ERCC2: variants seen among roughly 807,000 people sequenced by gnomAD.
The protein encoded by ERCC2 is ERCC excision repair 2, TFIIH core complex helicase subunit, also known as general transcription and DNA repair factor IIH helicase subunit XPD.
A neutral mutation model predicts 99.4 loss-of-function variants in ERCC2; 90 were observed. The observed-to-expected ratio is 0.91, with a 90% CI of 0.76 to 1.08. ERCC2 has a LOEUF of 1.08. Among genes scored for constraint, ERCC2 ranks in the 50% least tolerant of loss-of-function variants. The probability of loss-of-function intolerance (pLI) is 0.00; values close to 1 mark genes in which losing one functional copy is unlikely to be tolerated. For synonymous variants in ERCC2, 497 were observed against 432.4 expected, an observed-to-expected ratio of 1.15 and a Z score of -1.85; for missense variants, 993 against 1,038.1, an observed-to-expected ratio of 0.96 and a Z score of 0.60.
chr19:45,354,844 G>C lies in ERCC2; in HGVS notation c.1551C>G (p.Ile517Met), dbSNP rs749303660. 2 of 1,614,038 alleles carry C rather than the reference G, an allele frequency of 1.2e-6. No individual in the cohort carries two copies. Among genetic ancestry groups the C allele is most frequent in the Non-Finnish European group, 1.7e-6 (2 of 1,179,944 alleles). The change falls in exon 17 of 23, where the codon ATC becomes ATG. Residue 517 changes from isoleucine to methionine, a missense_variant. Transcript: ENST00000391945. ...KFETREDIAV[I>M]RNYGNLLLEM... The stretch of plus-strand genomic sequence containing the variant: ...CCAGCAGGAGGTTCCCATAGTTCCG[G>C]ATCACAGCTGCAAGGGGTCAGAGGT...
At position 45,357,364 on chromosome 19, in the gene ERCC2, GAC is replaced by G; in HGVS notation, c.1383_1384del (p.Ser462ProfsTer38). ...GATCTTGGGGTAGATGTCCAGCGGG[GAC>G]AGTGTCTGTGGCGGGACAGTGGGAG... On this transcript the variant is annotated frameshift_variant, in exon 15 of 23. Transcript: ENST00000391945. LOFTEE classifies it high-confidence loss of function. 1 of 1,613,718 alleles carries G rather than the reference GAC, an allele frequency of 6.2e-7. No individual in the cohort carries two copies. The highest frequency in any genetic ancestry group is 8.5e-7 in the Non-Finnish European group (1 of 1,179,604).
intron 12 of ERCC2, among the ~76,000 whole-genome samples, chr19:45,361,319 G>A (rs1045794906): frequency 4.6e-5 from 7 of 151,922 alleles, no homozygotes; most frequent in African/African-American, 1.2e-4. Flanking sequence ...TCTGCAGCCC[G>A]AGGAAGTCTG....
chr19:45,359,625 G>A lies in ERCC2; in HGVS notation c.1237+1899C>T, dbSNP rs3916837. ...CCTGGTCCCAAAACCCAGGCACCACGCTCCCCATATCCCAGCCTCTCTACC... is the reference window on the plus strand; with the variant it reads ...CCTGGTCCCAAAACCCAGGCACCACACTCCCCATATCCCAGCCTCTCTACC... On this transcript the variant is annotated intron_variant, in intron 12 of 22. Transcript: ENST00000391945. Among the ~76,000 whole-genome samples, 1,356 of 152,112 alleles carry A rather than the reference G, an allele frequency of 8.9e-3. 7 individuals carry two copies. Among genetic ancestry groups the A allele is most frequent in the Non-Finnish European group, 0.014 (985 of 67,964 alleles).
At position 45,370,215 on chromosome 19, in the gene ERCC2, A is replaced by G. The variant is rs1428215749; in HGVS notation, c.23T>C (p.Leu8Pro). Residue 8 changes from leucine to proline, a missense_variant, in exon 2 of 23, where the codon CTC (leucine) becomes CCC (proline). Physicochemically the swap from Leu to Pro is moderately conservative, Grantham distance 98. This residue lies in a region of ERCC2 where 55 missense variants were observed against 45.1 expected (regional missense o/e 1.22). Transcript: ENST00000391945. ...GTAGTCGTACGGGAAGTAGACCAGG[A>G]GCCCGTCCACGTTGAGCCTGGCGGC... MKLNVDG[L>P]LVYFPYDYIY... is the part of the protein sequence containing the mutation. The G allele has an allele frequency of 6.2e-7, 1 of 1,613,276 alleles. No homozygotes were observed. The highest frequency in any genetic ancestry group is 1.3e-5 in the African/African-American group (1 of 74,880).
chr19:45,357,489 G>A lies in ERCC2; in HGVS notation c.1362C>T (p.Val454=). The A allele has an allele frequency of 3.7e-6, 6 of 1,614,146 alleles. No homozygotes were observed. Among genetic ancestry groups the A allele is most frequent in the Non-Finnish European group, 5.1e-6 (6 of 1,179,982 alleles). ...GGGTCCTTACCCCAGATGTGATGAT[G>A]ACAGACTGGAAACGCTCAAATACGG... ...IKPVFERFQS[V]IITSGTLSPL... is the part of the protein sequence containing the mutation. Residue 454 remains valine (V), a synonymous_variant, in exon 14 of 23, where the codon GTC becomes GTT. Coordinates refer to ENST00000391945, the MANE Select transcript of ERCC2 (RefSeq NM_000400.4).
In ERCC2 at chr19:45,351,442, C is replaced by G; in HGVS notation, c.*187G>C. 1 of 1,585,006 alleles carries G rather than the reference C, an allele frequency of 6.3e-7. No individual in the cohort carries two copies. Among genetic ancestry groups the G allele is most frequent in the Non-Finnish European group, 8.6e-7 (1 of 1,168,898 alleles). ...TGGGGTGAGAGGGGGTCTATCATCT[C>G]CTGGCCCCCCCTTGCCTCTGGGTAC... On this transcript the variant is annotated 3_prime_UTR_variant, in exon 23 of 23. Coordinates refer to ENST00000391945, the MANE Select transcript of ERCC2 (RefSeq NM_000400.4).
intron 5 of ERCC2, among the ~76,000 whole-genome samples, chr19:45,367,517 C>CA (rs1972469382): frequency 9.1e-6 from 1 of 109,902 alleles, no homozygotes; most frequent in African/African-American, 5.0e-5. Context: ...ACAGTGAGTA[C>CA]AATTTTTTTT....
At chr19:45,353,746 C>T (rs1971913873) in intron 17 of ERCC2, among the ~76,000 whole-genome samples, 1 of 152,208 alleles carries the variant, frequency 6.6e-6, no homozygotes. Context: ...ACACAGCCAC[C>T]TGTGCAGTTC....
chr19:45,350,616 A>G lies in ERCC2; in HGVS notation c.*1013T>C. 1.9e-6 allele frequency: 3 copies of G among 1,612,562 alleles called. No homozygotes were observed. The highest frequency in any genetic ancestry group is 2.5e-6 in the Non-Finnish European group (3 of 1,178,798). On this transcript the variant is annotated 3_prime_UTR_variant, in exon 23 of 23. Coordinates refer to ENST00000391945, the MANE Select transcript of ERCC2 (RefSeq NM_000400.4). ...GGGACTGCATGGGCCTGGGGGACTG[A>G]GCAGCATCCCCGGCCCCTCCCCAGG... is the stretch of plus-strand genomic sequence containing the variant.
intron 17 of ERCC2, 35 bp from the exon 18 acceptor site, chr19:45,353,369 A>C (rs748777234): frequency 6.8e-7 from 1 of 1,468,368 alleles, no homozygotes; most frequent in African/African-American, 1.4e-5. Context: ...GGGTGGGTTC[A>C]GGGCACAGCC....
intron 5 of ERCC2, among the ~76,000 whole-genome samples, chr19:45,367,959 A>G (rs926110186): frequency 2.7e-5 from 4 of 150,118 alleles, no homozygotes; most frequent in African/African-American, 9.8e-5. Flanking sequence ...ATGCAGTGGC[A>G]TGACCTCAGC....
chr19:45,361,412 A>T, intron 12 of ERCC2, 112 bp downstream of exon 12: 1 of 824,112 alleles, frequency 1.2e-6, no homozygotes, highest in Non-Finnish European at 2.2e-6. Context: ...CCACACTTCC[A>T]AGCCAAACCC....
At chr19:45,370,307 G>A (rs1389756486) in intron 1 of ERCC2, 75 bp from the exon 2 acceptor site, 6 of 1,578,950 alleles carry the variant, frequency 3.8e-6, no homozygotes, top group Non-Finnish European at 5.2e-6. Context: ...CGGTCGTCGA[G>A]CCCAGAGAAG....
Position 45,351,463 on chromosome 19 carries a change from G to A in ERCC2, c.*166C>T, listed in dbSNP as rs1971773456. The stretch of plus-strand genomic sequence containing the variant: ...ATCTCCTGGCCCCCCCTTGCCTCTG[G>A]GTACCTGGTGGATAGCTGCCTTCTC... On this transcript the variant is annotated 3_prime_UTR_variant, in exon 23 of 23. Coordinates refer to ENST00000391945, the MANE Select transcript of ERCC2 (RefSeq NM_000400.4). 1.3e-6 allele frequency: 2 copies of A among 1,582,506 alleles called. No individual in the cohort carries two copies. Among genetic ancestry groups the A allele is most frequent in the Middle Eastern group, 1.7e-4 (1 of 5,918 alleles).
At chr19:45,354,872 G>A in intron 16 of ERCC2, 21 bp from the exon 17 acceptor site, 2 of 1,613,616 alleles carry the variant, frequency 1.2e-6, no homozygotes, top group Admixed American at 1.7e-5. Context: ...TCAGAGGTTG[G>A]GCCCTCTCCT....
intron 17 of ERCC2, among the ~76,000 whole-genome samples, chr19:45,353,564 G>A (rs1254023272): frequency 2.0e-5 from 3 of 152,190 alleles, no homozygotes; most frequent in Non-Finnish European, 4.4e-5. Context: ...GCCCAAGCGG[G>A]TGGCCAATCA....
In ERCC2 at chr19:45,351,029, A is replaced by C; in HGVS notation, c.*600T>G. ...CTCCTGGGACTCAGGTGAGGGGGAC[A>C]TCTGGGTCAAAAATAGAGGAGGCCA... On this transcript the variant is annotated 3_prime_UTR_variant, in exon 23 of 23. Coordinates refer to ENST00000391945, the MANE Select transcript of ERCC2 (RefSeq NM_000400.4). 1.2e-6 allele frequency: 2 copies of C among 1,614,134 alleles called. No homozygotes were observed. The highest frequency in any genetic ancestry group is 8.5e-7 in the Non-Finnish European group (1 of 1,180,012).
Position 45,350,474 on chromosome 19 carries a change from TC to T in ERCC2, c.*1154del. On this transcript the variant is annotated 3_prime_UTR_variant, in exon 23 of 23. Transcript: ENST00000391945. Reference sequence around the variant, plus strand: ...GTCTGTCTTCCCTCCTGGTGGCTTCTCTATGTCCCCATCTCAGTGTCCCCCA... The same window carrying T: ...GTCTGTCTTCCCTCCTGGTGGCTTCTTATGTCCCCATCTCAGTGTCCCCCA... 13 of 1,613,286 alleles carry T rather than the reference TC, an allele frequency of 8.1e-6. No individual in the cohort carries two copies. Among genetic ancestry groups the T allele is most frequent in the Non-Finnish European group, 1.1e-5 (13 of 1,179,532 alleles).
chr19:45,352,986 G>T, intron 19 of ERCC2, 97 bp downstream of exon 19: 1 of 1,372,038 alleles, frequency 7.3e-7, no homozygotes, highest in Non-Finnish European at 1.0e-6. Context: ...CCTAGGCTGG[G>T]GGTGGGTGGT....
Sources: allele counts gnomAD v4.1 joint callset (sites outside exome capture counted in the v4.1 genomes callset), GRCh38; gene constraint gnomAD v4.1.1; regional missense constraint gnomAD v4.1.1; transcripts MANE v1.5; gene names NCBI Gene and HGNC (gene_info 2026-07-23, HGNC 2026-07-21).